CACNA1B: variants seen among roughly 807,000 people sequenced by gnomAD.
CACNA1B encodes the protein calcium voltage-gated channel subunit alpha1 B.
CACNA1B carries 70 observed loss-of-function variants against 247.2 expected under a neutral mutation model. The observed-to-expected ratio is 0.28, with a 90% confidence interval of 0.23 to 0.35. The LOEUF (loss-of-function observed/expected upper bound fraction) is 0.35, where lower values mean the gene tolerates loss of function less well. Among genes scored for constraint, CACNA1B ranks in the 10% least tolerant of loss-of-function variants. CACNA1B has a pLI of 1.00. For missense variants in CACNA1B, 2,367 were observed against 3,197.4 expected (o/e 0.74, Z 6.26); for synonymous variants, 1,231 against 1,294.4 (o/e 0.95, Z 1.05).
At chr9:138,002,149 G>C (rs945803644) in intron 15 of CACNA1B, among the ~76,000 whole-genome samples, 1 of 152,204 alleles carries the variant, frequency 6.6e-6, no homozygotes, top group African/African-American at 2.4e-5. Flanking sequence ...AATGAAAATA[G>C]TGTGGTATAT....
In CACNA1B at chr9:137,880,316, A is replaced by G. The variant is rs1386425719; in HGVS notation, c.390+1157A>G. ...CCGGGTGAGGAGGAGGAGCATGGACAGCCCAGCCACACCATGAGGCAGGCG... is the reference window on the plus strand; with the variant it reads ...CCGGGTGAGGAGGAGGAGCATGGACGGCCCAGCCACACCATGAGGCAGGCG... On this transcript the variant is annotated intron_variant, in intron 2 of 46. Coordinates refer to ENST00000371372, the MANE Select transcript of CACNA1B (RefSeq NM_000718.4). This position sits in a 1 kb window ranked among gnomAD's most constrained non-coding sequence, Gnocchi z 4.8. 6.6e-6 allele frequency among the ~76,000 whole-genome samples: 1 copy of G among 152,180 alleles called. No individual in the cohort carries two copies. Among genetic ancestry groups the G allele is most frequent in the Non-Finnish European group, 1.5e-5 (1 of 68,032 alleles).
Position 138,052,560 on chromosome 9 carries a change from A to T in CACNA1B, c.3807+372A>T, listed in dbSNP as rs1589098034. The stretch of plus-strand genomic sequence containing the variant: ...GGACAGGCATGGGCTGAGCTTCTGG[A>T]TAAAGACAGAGAATAAACTCAAACT... On this transcript the variant is annotated intron_variant, in intron 25 of 46. Transcript: ENST00000371372. This position sits in a 1 kb window ranked among gnomAD's most constrained non-coding sequence, Gnocchi z 5.1. 1.3e-5 allele frequency among the ~76,000 whole-genome samples: 2 copies of T among 152,180 alleles called. No individual in the cohort carries two copies. The highest frequency in any genetic ancestry group is 2.1e-4 in the South Asian group (1 of 4,832).
At chr9:138,120,542 C>T (rs1169060519) in intron 45 of CACNA1B, 89 bp from the exon 46 acceptor site, 3 of 1,421,114 alleles carry the variant, frequency 2.1e-6, no homozygotes, top group Non-Finnish European at 2.8e-6. Flanking sequence ...CCTCCCCTGG[C>T]ACCACCTGAA....
Position 138,124,333 on chromosome 9 carries a change from CT to C in CACNA1B, c.*2339del, listed in dbSNP as rs1435037549. On this transcript the variant is annotated 3_prime_UTR_variant, in exon 47 of 47. Transcript: ENST00000371372. ...GTGCATGATAATGTATATCTTCGTA[CT>C]TTTTGATACAATGTATTCATTTGTT... 9.2e-5 allele frequency: 14 copies of C among 151,406 alleles called. No individual in the cohort carries two copies. The highest frequency in any genetic ancestry group is 3.4e-4 in the African/African-American group (14 of 41,134). The allele number at this position is 151,406 out of a possible 1,614,324, so 9.4% of individuals were successfully genotyped here.
intron 37 of CACNA1B, among the ~76,000 whole-genome samples, chr9:138,097,432 C>T (rs1357902566): frequency 6.6e-6 from 1 of 152,160 alleles, no homozygotes; most frequent in East Asian, 1.9e-4. Flanking sequence ...AGCATGGCTT[C>T]TCCATCTTTC....
chr9:138,120,442 T>C (rs1435419020), intron 45 of CACNA1B, 70 bp downstream of exon 45: 1 of 1,457,026 alleles, frequency 6.9e-7, no homozygotes, highest in Admixed American at 2.1e-5. Context: ...AAGCGGCCCA[T>C]GGGGGACCCT....
At chr9:137,987,446 A>G (rs1958379150) in intron 15 of CACNA1B, among the ~76,000 whole-genome samples, 1 of 152,094 alleles carries the variant, frequency 6.6e-6, no homozygotes, top group East Asian at 1.9e-4. Context: ...AGTCCTGCCC[A>G]TGACTGGCCT....
chr9:138,043,002 CT>C (rs1289862124), intron 20 of CACNA1B, among the ~76,000 whole-genome samples: 2 of 152,150 alleles, frequency 1.3e-5, no homozygotes, highest in African/African-American at 4.8e-5. Flanking sequence ...GCTCTGTCAT[CT>C]ATAAGAATTG....
At chr9:137,915,677 A>G (rs1957402106) in intron 5 of CACNA1B, among the ~76,000 whole-genome samples, 1 of 152,196 alleles carries the variant, frequency 6.6e-6, no homozygotes, top group African/African-American at 2.4e-5. Flanking sequence ...AATTTTCTTA[A>G]ATCCCTGCAG....
intron 6 of CACNA1B, among the ~76,000 whole-genome samples, chr9:137,925,527 T>C (rs1228094894): frequency 6.6e-6 from 1 of 152,228 alleles, no homozygotes; most frequent in African/African-American, 2.4e-5. Context: ...TGTTCATTGC[T>C]AGTATATAGA....
intron 20 of CACNA1B, chr9:138,032,822 A>T (rs1959002381): frequency 2.6e-6 from 1 of 377,956 alleles, no homozygotes; most frequent in South Asian, 2.0e-5. Flanking sequence ...CCTTGTCTTT[A>T]TATTTCAGAA....
intron 21 of CACNA1B, among the ~76,000 whole-genome samples, 179 bp downstream of exon 21, chr9:138,044,079 C>T (rs946874367): frequency 3.9e-5 from 6 of 152,222 alleles, no homozygotes; most frequent in South Asian, 2.1e-4. Flanking sequence ...GAAGAGGACA[C>T]GGGCACAGGA....
rs1959164553 is a variant in CACNA1B, at chr9:138,043,935, C to T, written c.3413+35C>T. ...CTTGCCTGCTGGTGTGTGTGGCCGC[C>T]CACTCACCCATGCATCATGACCCGT... On this transcript the variant is annotated intron_variant, in intron 21 of 46. Coordinates refer to ENST00000371372, the MANE Select transcript of CACNA1B (RefSeq NM_000718.4). 3 of 1,606,064 alleles carry T rather than the reference C, an allele frequency of 1.9e-6. No homozygotes were observed. In the East Asian group the frequency reaches 6.7e-5, roughly 36 times the overall value.
intron 40 of CACNA1B, among the ~76,000 whole-genome samples, chr9:138,114,089 G>A (rs1199754390): frequency 6.6e-6 from 1 of 152,212 alleles, no homozygotes; most frequent in Non-Finnish European, 1.5e-5. Context: ...ACACAGGAAG[G>A]GCCCTGCATT....
chr9:138,029,106 A>G (rs1399388814), intron 20 of CACNA1B, among the ~76,000 whole-genome samples: 1 of 152,224 alleles, frequency 6.6e-6, no homozygotes. Flanking sequence ...TTTTAACATA[A>G]ATGTCAGCCA....
rs2133387419 is a variant in CACNA1B at position 137,990,099 on chromosome 9, A to G, written c.1974+3245A>G. 6.6e-6 allele frequency among the ~76,000 whole-genome samples: 1 copy of G among 152,240 alleles called. No individual in the cohort carries two copies. The highest frequency in any genetic ancestry group is 6.5e-5 in the Admixed American group (1 of 15,296). On this transcript the variant is annotated intron_variant, in intron 15 of 46. Coordinates refer to ENST00000371372, the MANE Select transcript of CACNA1B (RefSeq NM_000718.4). This position sits in a 1 kb window ranked among gnomAD's most constrained non-coding sequence, Gnocchi z 4.5. ...GCACTGGCTGCCTGGAAATAGACTC[A>G]GTGCTGTTGGGGGTGGGCACGGTAG...
chr9:138,059,737 G>A lies in CACNA1B; in HGVS notation c.4668G>A (p.Ala1556=), dbSNP rs202096135. The change falls in exon 31 of 47, where the codon GCG becomes GCA. Residue 1556 remains alanine, a splice_region_variant and synonymous_variant. Transcript: ENST00000371372. This position sits in a 1 kb window ranked among gnomAD's most constrained non-coding sequence, Gnocchi z 4.2. ...SITDILVTEI[A]ETNNFINLSF... ...CTGATATTTTAGTAACAGAGATTGC[G>A]GTAAGTAGCATTTCTGTCCCTCCTT... 8.3e-6 allele frequency: 13 copies of A among 1,572,230 alleles called. No homozygotes were observed. Among genetic ancestry groups the A allele is most frequent in the East Asian group, 2.2e-5 (1 of 44,698 alleles).
In CACNA1B at chr9:138,058,715, T is replaced by C; in HGVS notation, c.4455T>C (p.Thr1485=). ...TCATGGCCATGATAGCCCTCAACAC[T>C]GTGGTGCTGATGATGAAGGTGTGTG... ...YFIMAMIALN[T]VVLMMKFYDA... The change falls in exon 29 of 47, where the codon ACT becomes ACC. Residue 1485 remains threonine, a synonymous_variant. Coordinates refer to ENST00000371372, the MANE Select transcript of CACNA1B (RefSeq NM_000718.4). This position sits in a 1 kb window ranked among gnomAD's most constrained non-coding sequence, Gnocchi z 4.7. 6.2e-7 allele frequency: 1 copy of C among 1,607,650 alleles called. No homozygotes were observed. The highest frequency in any genetic ancestry group is 1.1e-5 in the South Asian group (1 of 89,732).
At chr9:138,104,007 A>G (rs916047345) in intron 38 of CACNA1B, among the ~76,000 whole-genome samples, 2 of 152,206 alleles carry the variant, frequency 1.3e-5, no homozygotes, top group African/African-American at 2.4e-5. Flanking sequence ...AGCTCTGTCC[A>G]CACTTGGCGC....
Sources: allele counts gnomAD v4.1 joint callset (sites outside exome capture counted in the v4.1 genomes callset), GRCh38; gene constraint gnomAD v4.1.1; non-coding constraint Gnocchi (gnomAD v3.1); transcripts MANE v1.5; gene names NCBI Gene and HGNC (gene_info 2026-07-23, HGNC 2026-07-21).